RC3H1: variants seen among roughly 807,000 people sequenced by gnomAD.
RC3H1 encodes roquin-1.
A neutral mutation model predicts 138.2 loss-of-function variants in RC3H1; 50 were observed. The observed-to-expected ratio is 0.36, with a 90% CI of 0.29 to 0.46. The LOEUF (loss-of-function observed/expected upper bound fraction) is 0.46. RC3H1 is among the 20% of genes least tolerant of loss of function. The pLI, the probability that RC3H1 is intolerant of heterozygous loss-of-function variation, is 1.00. For missense variants in RC3H1, 1,031 were observed against 1,388.1 expected (o/e 0.74, Z 4.09); for synonymous variants, 462 against 489.1 (o/e 0.94, Z 0.73).
chr1:173,961,262 A>G lies in RC3H1; in HGVS notation c.2203-18T>C. Reference sequence around the variant, plus strand: ...GGAGGTTCCTAAAAATAGAAAGATTAGTTAAAATTGAAAGAGAATTTCAGG... The same window carrying G: ...GGAGGTTCCTAAAAATAGAAAGATTGGTTAAAATTGAAAGAGAATTTCAGG... On this transcript the variant is annotated intron_variant, in intron 12 of 19. Coordinates refer to ENST00000367696, the MANE Select transcript of RC3H1 (RefSeq NM_172071.4). 1 of 1,597,734 alleles carries G rather than the reference A, an allele frequency of 6.3e-7. No individual in the cohort carries two copies. The highest frequency in any genetic ancestry group is 1.1e-5 in the South Asian group (1 of 88,638).
chr1:173,958,624 A>T (rs1487950392), intron 13 of RC3H1, among the ~76,000 whole-genome samples: 1 of 152,156 alleles, frequency 6.6e-6, no homozygotes, highest in African/African-American at 2.4e-5. Flanking sequence ...ACAAAAAAAA[A>T]TTACCAATAT....
chr1:174,000,272 A>G (rs1315867671), intron 1 of RC3H1, among the ~76,000 whole-genome samples: 2 of 152,246 alleles, frequency 1.3e-5, no homozygotes, highest in African/African-American at 4.8e-5. Context: ...TTAAATAGCT[A>G]AATTACATTG....
chr1:173,947,521 G>T lies in RC3H1; in HGVS notation c.2585C>A (p.Thr862Asn), dbSNP rs1659184295. 1 of 1,613,832 alleles carries T rather than the reference G, an allele frequency of 6.2e-7. No individual in the cohort carries two copies. The highest frequency in any genetic ancestry group is 1.3e-5 in the African/African-American group (1 of 74,826). The change falls in exon 15 of 20, where the codon ACC (threonine) becomes AAC (asparagine). Residue 862 changes from threonine (T) to asparagine (N), a missense_variant. By Grantham distance (65) the Thr-to-Asn change is moderately conservative. Coordinates refer to ENST00000367696, the MANE Select transcript of RC3H1 (RefSeq NM_172071.4). The stretch of plus-strand genomic sequence containing the variant: ...AAATGGGATGAGGTCATCATCACTG[G>T]TTTCTGCTGCTCTTCTCTGAAGATC... ...RLDLQRRAAE[T>N]SDDDLIPFGD...
intron 1 of RC3H1, among the ~76,000 whole-genome samples, chr1:174,011,634 C>T (rs552054990): frequency 9.7e-4 from 148 of 151,918 alleles, no homozygotes; most frequent in Admixed American, 1.8e-3. Context: ...TATTTTTAGT[C>T]AAGGACTAAG....
At chr1:173,943,334 C>G in intron 18 of RC3H1, 108 bp downstream of exon 18, 2 of 991,858 alleles carry the variant, frequency 2.0e-6, no homozygotes, top group Non-Finnish European at 2.9e-6. Flanking sequence ...AAATATTAAC[C>G]ACTCATCAGA....
At chr1:174,020,542 C>G (rs1661938279) in intron 1 of RC3H1, among the ~76,000 whole-genome samples, 1 of 152,150 alleles carries the variant, frequency 6.6e-6, no homozygotes, top group African/African-American at 2.4e-5. Flanking sequence ...CTGAAAAGAA[C>G]ACAACCTATA....
chr1:173,981,042 C>A (rs369939551), intron 5 of RC3H1, 33 bp from the exon 6 acceptor site: 23 of 1,565,164 alleles, frequency 1.5e-5, no homozygotes, highest in Middle Eastern at 1.8e-4. Context: ...ATAATGAAGT[C>A]AAAAAAATGA....
chr1:173,997,066 C>T (rs185398698), intron 1 of RC3H1, among the ~76,000 whole-genome samples: 1 of 151,902 alleles, frequency 6.6e-6, no homozygotes, highest in East Asian at 1.9e-4. Flanking sequence ...CCCGTCTCTA[C>T]AGAAATATAA....
intron 1 of RC3H1, among the ~76,000 whole-genome samples, chr1:174,008,563 C>T (rs1030772976): frequency 2.6e-5 from 4 of 152,018 alleles, no homozygotes; most frequent in Non-Finnish European, 5.9e-5. Context: ...TTTAAAAGAA[C>T]GAAAAAATTG....
chr1:173,991,943 A>T (rs1045748340), intron 2 of RC3H1, among the ~76,000 whole-genome samples: 1 of 152,104 alleles, frequency 6.6e-6, no homozygotes, highest in African/African-American at 2.4e-5. Flanking sequence ...AACCATTTTT[A>T]GGTTTATAAA....
intron 1 of RC3H1, among the ~76,000 whole-genome samples, chr1:174,004,079 ATAT>A (rs1022276664): frequency 1.4e-5 from 2 of 147,578 alleles, no homozygotes; most frequent in African/African-American, 4.9e-5. Flanking sequence ...ATATAATTAT[ATAT>A]TATTAATTAT....
intron 7 of RC3H1, among the ~76,000 whole-genome samples, chr1:173,976,360 G>A (rs1571212689): frequency 1.3e-5 from 2 of 151,762 alleles, no homozygotes; most frequent in Admixed American, 6.6e-5. Context: ...CTAGCTACTC[G>A]GGACAAGAAT....
At chr1:174,009,342 A>C (rs570431866) in intron 1 of RC3H1, 1 of 152,304 alleles carries the variant, frequency 6.6e-6, no homozygotes, top group South Asian at 2.1e-4. Flanking sequence ...ATTCCTTCAG[A>C]GAAGGCCTTC....
rs1659177653 is a variant in RC3H1, at chr1:173,947,358, G to A, written c.2737+11C>T. The A allele has an allele frequency of 6.3e-7, 1 of 1,596,080 alleles. No homozygotes were observed. Among genetic ancestry groups the A allele is most frequent in the Middle Eastern group, 1.7e-4 (1 of 5,968 alleles). ...GAACCCTTTAGGTCAGCTTACCTCT[G>A]AGATTCTTACCTGAAATGTTAATAG... On this transcript the variant is annotated intron_variant, in intron 15 of 19. Coordinates refer to ENST00000367696, the MANE Select transcript of RC3H1 (RefSeq NM_172071.4).
chr1:173,965,239 G>T, intron 9 of RC3H1, 119 bp from the exon 10 acceptor site: 3 of 937,586 alleles, frequency 3.2e-6, no homozygotes, highest in Non-Finnish European at 3.1e-6. Flanking sequence ...CTCTATCAGT[G>T]TGTATATTTT....
Position 173,941,579 on chromosome 1 carries a change from G to A in RC3H1, c.3136-199C>T, listed in dbSNP as rs1658863337. On this transcript the variant is annotated intron_variant, in intron 18 of 19. Coordinates refer to ENST00000367696, the MANE Select transcript of RC3H1 (RefSeq NM_172071.4). ...AATCCACTTGCTCACTAACCAAGCT[G>A]GACAATAAGACAGACAATGCCTCAA... is the stretch of plus-strand genomic sequence containing the variant. 1.3e-5 allele frequency: 6 copies of A among 460,340 alleles called. No homozygotes were observed. The South Asian group carries it at 1.4e-4, about 11-fold the overall frequency. The allele number at this position is 460,340 out of a possible 1,614,324, so 28.5% of individuals were successfully genotyped here. A position where few individuals can be genotyped will look rare whatever the true frequency, so the allele number is the denominator to read the frequency against.
chr1:174,014,842 G>A (rs934836531), intron 1 of RC3H1, among the ~76,000 whole-genome samples: 4 of 151,966 alleles, frequency 2.6e-5, no homozygotes, highest in Admixed American at 1.3e-4. Context: ...TTTTTTTAGC[G>A]AGGTCTATAT....
At chr1:173,975,318 T>C (rs935687374) in intron 7 of RC3H1, among the ~76,000 whole-genome samples, 15 of 151,976 alleles carry the variant, frequency 9.9e-5, no homozygotes, top group East Asian at 5.8e-4. Flanking sequence ...ATGGTCTTGA[T>C]CTCTTGACCT....
chr1:174,007,601 C>G (rs536167289), intron 1 of RC3H1, among the ~76,000 whole-genome samples: 1 of 152,044 alleles, frequency 6.6e-6, no homozygotes, highest in East Asian at 2.0e-4. Context: ...GGAGCTGGGA[C>G]TATGAGCATG....
Sources: allele counts gnomAD v4.1 joint callset (sites outside exome capture counted in the v4.1 genomes callset), GRCh38; gene constraint gnomAD v4.1.1; transcripts MANE v1.5; gene names NCBI Gene and HGNC (gene_info 2026-07-23, HGNC 2026-07-21).